DMD: variants seen among roughly 807,000 people sequenced by gnomAD.
The protein encoded by DMD is mutant dystrophin.
DMD carries 63 observed loss-of-function variants against 330.1 expected under a neutral mutation model. The ratio of observed to expected loss-of-function variants is 0.19; its 90% CI spans 0.16 to 0.24. The LOEUF (loss-of-function observed/expected upper bound fraction) is 0.24. DMD is among the 10% of genes least tolerant of loss of function. The pLI, the probability that DMD is intolerant of heterozygous loss-of-function variation, is 1.00. For synonymous variants in DMD, 1,223 were observed against 959.8 expected, an observed-to-expected ratio of 1.27 and a Z score of -5.07; for missense variants, 3,344 against 2,684.1, an observed-to-expected ratio of 1.25 and a Z score of -5.43.
At chrX:31,522,325 T>TTCTCTCTCTCTCTCTCTCTCTCTC (rs1193302041) in intron 55 of DMD, among the ~76,000 whole-genome samples, 3 of 51,335 alleles carry the variant, frequency 5.8e-5, no homozygotes, top group African/African-American at 2.2e-4. Context: ...AGATCAAAAT[T>TTCTCTCTCTCTCTCTCTCTCTCTC]TCTCTCTCTC....
chrX:31,158,122 A>G (rs1002925450), intron 74 of DMD, among the ~76,000 whole-genome samples: 1 of 111,689 alleles, frequency 9.0e-6, no homozygotes, highest in African/African-American at 3.3e-5. Context: ...ACTTCTTTAA[A>G]ATAATTACCG....
intron 43 of DMD, among the ~76,000 whole-genome samples, chrX:32,238,969 C>G (rs1478026736): frequency 8.9e-6 from 1 of 111,906 alleles, no homozygotes; most frequent in Non-Finnish European, 1.9e-5. Context: ...AGTTGCCTCT[C>G]TTCTGTTTTA....
intron 29 of DMD, among the ~76,000 whole-genome samples, chrX:32,418,041 G>C (rs2098173069): frequency 9.0e-6 from 1 of 110,929 alleles, no homozygotes; most frequent in African/African-American, 3.3e-5. Flanking sequence ...TTAGACCATG[G>C]CTTAAGCTTG....
intron 44 of DMD, among the ~76,000 whole-genome samples, chrX:32,114,859 C>A (rs1335204752): frequency 8.9e-6 from 1 of 112,372 alleles, no homozygotes. Context: ...GTCTGTATAT[C>A]CTCACCTCCT....
intron 47 of DMD, among the ~76,000 whole-genome samples, chrX:31,910,606 C>T (rs1038428134): frequency 4.5e-5 from 5 of 111,672 alleles, no homozygotes; most frequent in Non-Finnish European, 9.4e-5. Context: ...AACTAACGAA[C>T]GTTGTAAGTG....
At chrX:33,037,237 T>C (rs916150987) in intron 1 of DMD, among the ~76,000 whole-genome samples, 22 of 111,587 alleles carry the variant, frequency 2.0e-4, no homozygotes, top group Non-Finnish European at 3.4e-4. Flanking sequence ...GTAGAATTAG[T>C]TCTATTTCAT....
At chrX:32,253,544 C>G (rs1481348580) in intron 43 of DMD, among the ~76,000 whole-genome samples, 1 of 110,622 alleles carries the variant, frequency 9.0e-6, no homozygotes, top group Non-Finnish European at 1.9e-5. Flanking sequence ...TTAGATCATC[C>G]TTACTCATCA....
intron 51 of DMD, among the ~76,000 whole-genome samples, chrX:31,760,406 T>C (rs969240302): frequency 3.8e-4 from 43 of 112,206 alleles, no homozygotes; most frequent in African/African-American, 1.4e-3. Flanking sequence ...GCACAGTCTG[T>C]ATACATGTAG....
intron 43 of DMD, among the ~76,000 whole-genome samples, chrX:32,236,427 T>C (rs2097187945): frequency 8.9e-6 from 1 of 112,048 alleles, no homozygotes; most frequent in Non-Finnish European, 1.9e-5. Context: ...TTTTACTTGT[T>C]CCAGTCCGAT....
At chrX:32,530,537 T>A (rs1029873740) in intron 17 of DMD, among the ~76,000 whole-genome samples, 5 of 112,305 alleles carry the variant, frequency 4.5e-5, no homozygotes, top group African/African-American at 9.7e-5. Context: ...AGATGTCACA[T>A]TTATAAGTTT....
chrX:32,054,330 C>T (rs1458660994), intron 44 of DMD, among the ~76,000 whole-genome samples: 10 of 100,870 alleles, frequency 9.9e-5, no homozygotes, highest in Non-Finnish European at 2.0e-4. Context: ...TCTCCTAATG[C>T]TATCCCTCCA....
intron 12 of DMD, among the ~76,000 whole-genome samples, chrX:32,596,937 T>C (rs906524986): frequency 3.0e-4 from 34 of 111,590 alleles, no homozygotes; most frequent in African/African-American, 1.0e-3. Context: ...AACCAATAGA[T>C]TTCTATCATA....
intron 9 of DMD, among the ~76,000 whole-genome samples, chrX:32,694,655 T>C (rs1372613413): frequency 8.9e-6 from 1 of 112,039 alleles, no homozygotes; most frequent in African/African-American, 3.3e-5. Context: ...CCATTTATTT[T>C]TTTTATTTAT....
chrX:33,228,311 GTA>G (rs753690778), intron 1 of DMD, among the ~76,000 whole-genome samples: 70 of 97,615 alleles, frequency 7.2e-4, no homozygotes, highest in Non-Finnish European at 1.3e-3. Flanking sequence ...GTGTGTGTGT[GTA>G]GGCATATGCT....
At chrX:32,755,674 T>A (rs1394534310) in intron 7 of DMD, among the ~76,000 whole-genome samples, 1 of 112,364 alleles carries the variant, frequency 8.9e-6, no homozygotes, top group African/African-American at 3.2e-5. Context: ...TAAATAGCAA[T>A]AAAAATATCA....
chrX:31,787,740 A>G lies in DMD; in HGVS notation c.7310-13548T>C, dbSNP rs2091378260. 2.7e-5 allele frequency among the ~76,000 whole-genome samples: 3 copies of G among 112,317 alleles called. 1 individual carries two copies. In the South Asian group the frequency reaches 1.1e-3, roughly 41 times the overall value. On this transcript the variant is annotated intron_variant, in intron 50 of 78. Transcript: ENST00000357033. The stretch of plus-strand genomic sequence containing the variant: ...AACGTTCTGGGTCAGTAAACATGTT[A>G]TGAATTGCAGGTATGGAAAACACAC...
intron 52 of DMD, among the ~76,000 whole-genome samples, chrX:31,681,680 AC>A (rs1001376671): frequency 8.8e-6 from 1 of 113,026 alleles, no homozygotes; most frequent in Non-Finnish European, 1.9e-5. Context: ...CTACAGATGG[AC>A]AAACAAAATG....
chrX:31,810,875 G>A (rs773818096), intron 50 of DMD, among the ~76,000 whole-genome samples: 147 of 111,672 alleles, frequency 1.3e-3, no homozygotes, highest in African/African-American at 4.7e-3. Context: ...CAAGATTATG[G>A]TATACTCTGT....
intron 2 of DMD, among the ~76,000 whole-genome samples, chrX:32,940,491 A>G (rs2090331774): frequency 9.0e-6 from 1 of 111,682 alleles, no homozygotes; most frequent in African/African-American, 3.3e-5. Flanking sequence ...AACAAAGTAG[A>G]GAACCCAGAA....
Sources: allele counts gnomAD v4.1 joint callset (sites outside exome capture counted in the v4.1 genomes callset), GRCh38; gene constraint gnomAD v4.1.1; transcripts MANE v1.5; gene names NCBI Gene and HGNC (gene_info 2026-07-23, HGNC 2026-07-21).